TMEM132D: variants seen among roughly 807,000 people sequenced by gnomAD.
TMEM132D encodes transmembrane protein 132D.
A neutral mutation model predicts 62.3 loss-of-function variants in TMEM132D; 21 were observed. That is an observed-to-expected ratio of 0.34 (90% CI 0.24 to 0.49). The LOEUF is 0.49. TMEM132D is among the 20% of genes least tolerant of loss of function. The probability of loss-of-function intolerance (pLI) is 0.99; values close to 1 mark genes in which losing one functional copy is unlikely to be tolerated. For synonymous variants in TMEM132D, 621 were observed against 575.6 expected (o/e 1.08, Z -1.13); for missense variants, 1,346 against 1,402.8 (o/e 0.96, Z 0.65).
chr12:129,396,916 G>A (rs1256260841), intron 3 of TMEM132D, among the ~76,000 whole-genome samples: 3 of 152,116 alleles, frequency 2.0e-5, no homozygotes, highest in Non-Finnish European at 4.4e-5. Context: ...TTTGTAACCT[G>A]ACAATGTATC....
chr12:129,256,182 C>T (rs756958768), intron 4 of TMEM132D, among the ~76,000 whole-genome samples: 4 of 152,114 alleles, frequency 2.6e-5, no homozygotes, highest in South Asian at 2.1e-4. Flanking sequence ...GGGGTTCAAG[C>T]GATTCTCCTG....
intron 3 of TMEM132D, among the ~76,000 whole-genome samples, chr12:129,411,394 G>A (rs1009176519): frequency 6.6e-6 from 1 of 152,094 alleles, no homozygotes; most frequent in African/African-American, 2.4e-5. Flanking sequence ...TTTGAGACAG[G>A]ATCTCCCTCT....
rs542983810 is a variant in TMEM132D at position 129,413,207 on chromosome 12, G to T, written c.1116-75390C>A. ...ATAATTTCCTCATGTTGTGGGAGGG[G>T]CCTGGTGGGAGATAATTGAATCATG... On this transcript the variant is annotated intron_variant, in intron 3 of 8. Transcript: ENST00000422113. Among the ~76,000 whole-genome samples, 143 of 152,274 alleles carry T rather than the reference G, an allele frequency of 9.4e-4. 1 individual carries two copies. The highest frequency in any genetic ancestry group is 9.0e-3 in the Admixed American group (137 of 15,284).
At chr12:129,141,866 T>A (rs542607321) in intron 5 of TMEM132D, among the ~76,000 whole-genome samples, 47 of 151,750 alleles carry the variant, frequency 3.1e-4, no homozygotes, top group Middle Eastern at 3.4e-3. Context: ...AACCTCAGTA[T>A]CATGCAATAT....
chr12:129,409,040 CT>C (rs1321838078), intron 3 of TMEM132D, among the ~76,000 whole-genome samples: 3 of 152,060 alleles, frequency 2.0e-5, no homozygotes, highest in Non-Finnish European at 4.4e-5. Flanking sequence ...TCCAGCGATT[CT>C]TTTGCCTCAG....
At chr12:129,762,209 A>G (rs1000926541) in intron 1 of TMEM132D, among the ~76,000 whole-genome samples, 3 of 152,074 alleles carry the variant, frequency 2.0e-5, no homozygotes, top group Non-Finnish European at 2.9e-5. Context: ...TGAGCTGCCT[A>G]TTCTGTTATT....
intron 1 of TMEM132D, among the ~76,000 whole-genome samples, chr12:129,832,085 C>T (rs1187079500): frequency 8.2e-6 from 1 of 122,152 alleles, no homozygotes; most frequent in East Asian, 2.6e-4. Context: ...GACGAGGTTT[C>T]ACCATGTTGG....
chr12:129,787,997 C>A (rs1368605342), intron 1 of TMEM132D, among the ~76,000 whole-genome samples: 1 of 152,204 alleles, frequency 6.6e-6, no homozygotes, highest in Non-Finnish European at 1.5e-5. Flanking sequence ...CACACTCAAC[C>A]AACCAGACCC....
rs1328627470 is a variant in TMEM132D, at chr12:129,145,457, A to C, written c.1444-60755T>G. 2.0e-5 allele frequency among the ~76,000 whole-genome samples: 3 copies of C among 152,060 alleles called. No individual in the cohort carries two copies. In the East Asian group the frequency reaches 5.8e-4, roughly 29 times the overall value. The stretch of plus-strand genomic sequence containing the variant: ...GTGCATTTGCTAGGAGAGGCCACGG[A>C]CTTCTGTCAGATGTGAAGAACTAAC... On this transcript the variant is annotated intron_variant, in intron 5 of 8. Coordinates refer to ENST00000422113, the MANE Select transcript of TMEM132D (RefSeq NM_133448.3).
At chr12:129,417,441 C>A (rs1273177270) in intron 3 of TMEM132D, among the ~76,000 whole-genome samples, 1 of 152,094 alleles carries the variant, frequency 6.6e-6, no homozygotes, top group Non-Finnish European at 1.5e-5. Context: ...CAAAAACAAG[C>A]AATGGGGGAA....
At chr12:129,889,854 C>A (rs574133526) in intron 1 of TMEM132D, among the ~76,000 whole-genome samples, 1 of 152,148 alleles carries the variant, frequency 6.6e-6, no homozygotes, top group African/African-American at 2.4e-5. Context: ...AAAGTAAGAA[C>A]CTATCTAGAA....
At chr12:129,261,383 T>C (rs901765404) in intron 4 of TMEM132D, among the ~76,000 whole-genome samples, 2 of 152,208 alleles carry the variant, frequency 1.3e-5, no homozygotes, top group Admixed American at 6.5e-5. Context: ...AATGGTTTTA[T>C]AAAGGGCAAT....
At chr12:129,581,237 C>T (rs575273036) in intron 2 of TMEM132D, among the ~76,000 whole-genome samples, 9 of 152,292 alleles carry the variant, frequency 5.9e-5, no homozygotes, top group Admixed American at 1.3e-4. Flanking sequence ...GTGAAAGCCA[C>T]CTGAAGTCCT....
intron 5 of TMEM132D, among the ~76,000 whole-genome samples, chr12:129,122,012 T>G (rs1349157998): frequency 2.6e-5 from 4 of 152,160 alleles, no homozygotes; most frequent in Non-Finnish European, 5.9e-5. Context: ...AGCCCGCCGA[T>G]TCTGGCCCTG....
intron 2 of TMEM132D, among the ~76,000 whole-genome samples, chr12:129,554,068 A>C (rs576753469): frequency 6.6e-6 from 1 of 152,248 alleles, no homozygotes; most frequent in African/African-American, 2.4e-5. Context: ...AACTAGGTAT[A>C]TGTCGGAATT....
chr12:129,301,856 C>T (rs1319582324), intron 4 of TMEM132D, among the ~76,000 whole-genome samples: 2 of 152,142 alleles, frequency 1.3e-5, no homozygotes, highest in Non-Finnish European at 2.9e-5. Flanking sequence ...GATTTCAAGG[C>T]TCTGACTCTT....
chr12:129,790,690 A>G (rs902146841), intron 1 of TMEM132D, among the ~76,000 whole-genome samples: 1 of 152,184 alleles, frequency 6.6e-6, no homozygotes, highest in African/African-American at 2.4e-5. Context: ...ACAGGAATGC[A>G]TGTTCCCACT....
chr12:129,497,033 C>T (rs539517086), intron 3 of TMEM132D, among the ~76,000 whole-genome samples: 235 of 152,242 alleles, frequency 1.5e-3, no homozygotes, highest in African/African-American at 5.4e-3. Flanking sequence ...GCTGGCCGGG[C>T]GCAGTGGCTC....
intron 4 of TMEM132D, among the ~76,000 whole-genome samples, chr12:129,245,332 T>G (rs746474284): frequency 6.6e-6 from 1 of 152,238 alleles, no homozygotes; most frequent in Non-Finnish European, 1.5e-5. Context: ...TTAGACTGGC[T>G]TCTTCCACTT....
Sources: gnomAD v4.1 joint callset for allele counts (sites outside exome capture counted in the v4.1 genomes callset) on GRCh38, gnomAD v4.1.1 for gene constraint, MANE v1.5 for transcripts, NCBI Gene and HGNC (gene_info 2026-07-23, HGNC 2026-07-21) for gene names.